ABAT: variants seen among roughly 807,000 people sequenced by gnomAD.
ABAT encodes the protein 4-aminobutyrate aminotransferase, mitochondrial.
ABAT carries 45 observed loss-of-function variants against 64.6 expected under a neutral mutation model. That is an observed-to-expected ratio of 0.70 (90% CI 0.55 to 0.89). The LOEUF (loss-of-function observed/expected upper bound fraction) is 0.89. Ranked by LOEUF, ABAT falls within the 40% of genes least tolerant of loss-of-function variation. ABAT has a pLI of 0.00. For missense variants in ABAT, 633 were observed against 658.4 expected, an observed-to-expected ratio of 0.96 and a Z score of 0.42; for synonymous variants, 297 against 250.5, an observed-to-expected ratio of 1.19 and a Z score of -1.75.
In ABAT at chr16:8,743,420, C is replaced by G. The variant is rs1019501691; in HGVS notation, c.71-2581C>G. On this transcript the variant is annotated intron_variant, in intron 2 of 15. Coordinates refer to ENST00000268251, the MANE Select transcript of ABAT (RefSeq NM_020686.6). ...AGAGTCCCCTCTTGTGTAATGGAAACAGTTATATATATATATATATATATA... is the reference window on the plus strand; with the variant it reads ...AGAGTCCCCTCTTGTGTAATGGAAAGAGTTATATATATATATATATATATA... 4.2e-3 allele frequency among the ~76,000 whole-genome samples: 134 copies of G among 31,988 alleles called. 3 individuals are homozygous for G. The highest frequency in any genetic ancestry group is 4.2e-3 in the Non-Finnish European group (89 of 21,028). 21.0% of individuals were successfully genotyped at this position (31,988 alleles called of 152,430 possible).
intron 1 of ABAT, among the ~76,000 whole-genome samples, chr16:8,718,186 A>G (rs1312651326): frequency 1.3e-5 from 2 of 152,194 alleles, no homozygotes; most frequent in East Asian, 3.8e-4. Context: ...AAGCAGAACA[A>G]ATGTCCAACC....
chr16:8,694,741 G>T (rs2057663662), intron 1 of ABAT, among the ~76,000 whole-genome samples: 1 of 152,156 alleles, frequency 6.6e-6, no homozygotes, highest in Non-Finnish European at 1.5e-5. Flanking sequence ...GAAAAAAGCG[G>T]CTCAAATTCC....
At chr16:8,700,038 C>A (rs1045288194) in intron 1 of ABAT, among the ~76,000 whole-genome samples, 1 of 151,982 alleles carries the variant, frequency 6.6e-6, no homozygotes, top group Admixed American at 6.6e-5. Flanking sequence ...CCAGGCTGGT[C>A]TTAAACTCCT....
chr16:8,694,929 C>T (rs1025919852), intron 1 of ABAT, among the ~76,000 whole-genome samples: 1 of 152,192 alleles, frequency 6.6e-6, no homozygotes, highest in African/African-American at 2.4e-5. Flanking sequence ...GAACTCTGTG[C>T]TCCCGCCTAC....
chr16:8,722,221 T>C (rs1451184725), intron 1 of ABAT, among the ~76,000 whole-genome samples: 1 of 152,236 alleles, frequency 6.6e-6, no homozygotes, highest in Non-Finnish European at 1.5e-5. Context: ...ATTGAATAAC[T>C]TGCTTTGATT....
intron 1 of ABAT, among the ~76,000 whole-genome samples, chr16:8,701,001 A>G (rs1162313748): frequency 4.0e-5 from 6 of 149,580 alleles, no homozygotes; most frequent in African/African-American, 1.5e-4. Flanking sequence ...GCAGTGCTGC[A>G]ATCTTGGCTC....
intron 11 of ABAT, among the ~76,000 whole-genome samples, chr16:8,772,123 C>T (rs1365169118): frequency 6.6e-6 from 1 of 152,078 alleles, no homozygotes; most frequent in Non-Finnish European, 1.5e-5. Flanking sequence ...AGGATTCTCA[C>T]ACCAATCATA....
intron 1 of ABAT, among the ~76,000 whole-genome samples, chr16:8,679,876 A>G (rs186466979): frequency 3.3e-5 from 5 of 152,218 alleles, no homozygotes; most frequent in East Asian, 3.9e-4. Context: ...GGTCTGTGCT[A>G]TAGCTCTTCC....
At chr16:8,773,811 G>A (rs559934023) in intron 12 of ABAT, among the ~76,000 whole-genome samples, 2 of 152,308 alleles carry the variant, frequency 1.3e-5, no homozygotes, top group South Asian at 2.1e-4. Flanking sequence ...CAATATTTGT[G>A]TATGTGTGGC....
chr16:8,768,041 A>G (rs1398455316), intron 9 of ABAT, 152 bp from the exon 10 acceptor site: 4 of 788,932 alleles, frequency 5.1e-6, no homozygotes, highest in African/African-American at 1.7e-5. Context: ...TGTCTTGGAT[A>G]TAGACCCCAT....
rs138996363 is a variant in ABAT at position 8,772,805 on chromosome 16, G to A, written c.842G>A (p.Arg281Gln). Residue 281 changes from arginine to glutamine, a missense_variant, in exon 12 of 16, where the codon CGG becomes CAG. Coordinates refer to ENST00000268251, the MANE Select transcript of ABAT (RefSeq NM_020686.6). Reference sequence around the variant, plus strand: ...GTGGAGGATCTGATTGTGAAATATCGGAAAAAGAAGAAGACGGTGGCCGGG... The same window carrying A: ...GTGGAGGATCTGATTGTGAAATATCAGAAAAAGAAGAAGACGGTGGCCGGG... ...EEVEDLIVKYRKKKKTVAGII... is the reference protein window; with the variant it reads ...EEVEDLIVKYQKKKKTVAGII... 2.5e-5 allele frequency: 40 copies of A among 1,613,974 alleles called. 2 individuals are homozygous for A. Among genetic ancestry groups the A allele is most frequent in the African/African-American group, 8.0e-5 (6 of 74,918 alleles).
chr16:8,715,120 C>T (rs1267725637), intron 1 of ABAT: 3 of 152,226 alleles, frequency 2.0e-5, no homozygotes, highest in Admixed American at 6.5e-5. Flanking sequence ...CACATTTGCC[C>T]GTGAGCTGCA....
chr16:8,714,749 G>A (rs2058164862), intron 1 of ABAT: 1 of 152,516 alleles, frequency 6.6e-6, no homozygotes, highest in African/African-American at 2.4e-5. Context: ...AGTGAACCCT[G>A]ACTCTGGAGT....
At chr16:8,747,134 C>A (rs1241008905) in intron 3 of ABAT, among the ~76,000 whole-genome samples, 1 of 152,172 alleles carries the variant, frequency 6.6e-6, no homozygotes, top group African/African-American at 2.4e-5. Context: ...CCTCCTTCTG[C>A]TGGCCAAAGC....
At chr16:8,695,444 T>C (rs2057680962) in intron 1 of ABAT, among the ~76,000 whole-genome samples, 2 of 152,334 alleles carry the variant, frequency 1.3e-5, no homozygotes, top group South Asian at 4.1e-4. Flanking sequence ...TTCATGATTC[T>C]GCAGAAAAAC....
At chr16:8,735,603 C>G in intron 1 of ABAT, 96 bp from the exon 2 acceptor site, 4 of 1,021,444 alleles carry the variant, frequency 3.9e-6, no homozygotes, top group Non-Finnish European at 5.9e-6. Context: ...GTCAGAAGAA[C>G]TTTCTCTATT....
At chr16:8,770,565 G>C (rs949854446) in intron 11 of ABAT, among the ~76,000 whole-genome samples, 2 of 152,076 alleles carry the variant, frequency 1.3e-5, no homozygotes, top group African/African-American at 4.8e-5. Context: ...TCAGCTTCTT[G>C]AGTAGTTGGA....
chr16:8,691,734 C>T (rs1030841882), intron 1 of ABAT, among the ~76,000 whole-genome samples: 2 of 152,208 alleles, frequency 1.3e-5, no homozygotes, highest in African/African-American at 2.4e-5. Flanking sequence ...AGCCACCGCG[C>T]CCAGTGCCAA....
chr16:8,760,854 C>T (rs2059775471), intron 6 of ABAT, among the ~76,000 whole-genome samples: 1 of 152,142 alleles, frequency 6.6e-6, no homozygotes, highest in South Asian at 2.1e-4. Flanking sequence ...GCAGAAGGAT[C>T]CCTGAGGCCA....
Sources: allele counts gnomAD v4.1 joint callset (sites outside exome capture counted in the v4.1 genomes callset), GRCh38; gene constraint gnomAD v4.1.1; transcripts MANE v1.5; gene names NCBI Gene and HGNC (gene_info 2026-07-23, HGNC 2026-07-21).